Variants in LOXL1 observed in about 807,000 individuals in gnomAD.
LOXL1 encodes the protein lysyl oxidase like 1.
A neutral mutation model predicts 62.2 loss-of-function variants in LOXL1; 31 were observed. The observed-to-expected ratio is 0.50, with a 90% confidence interval of 0.37 to 0.67. The LOEUF (loss-of-function observed/expected upper bound fraction) is 0.67. Among genes scored for constraint, LOXL1 ranks in the 30% least tolerant of loss-of-function variants. The pLI is 0.00. For missense variants in LOXL1, 775 were observed against 843.4 expected (o/e 0.92, Z 1.00); for synonymous variants, 403 against 384.4 (o/e 1.05, Z -0.56).
In LOXL1 at chr15:73,942,743, A is replaced by T. The variant is rs1159998902; in HGVS notation, c.1103-111A>T. 1.1e-5 allele frequency: 8 copies of T among 735,864 alleles called. No individual in the cohort carries two copies. The East Asian group carries it at 2.0e-4, about 19-fold the overall frequency. The allele number at this position is 735,864 out of a possible 1,614,324, so 45.6% of individuals were successfully genotyped here. A position where few individuals can be genotyped will look rare whatever the true frequency, so the allele number is the denominator to read the frequency against. On this transcript the variant is annotated intron_variant, in intron 1 of 6. Coordinates refer to ENST00000261921, the MANE Select transcript of LOXL1 (RefSeq NM_005576.4). The stretch of plus-strand genomic sequence containing the variant: ...GAATGGCAAAGGGTTTTGGGGTATG[A>T]GAGGATGTTTGGGGTGTGAGGAGGT...
At chr15:73,950,927 A>T (rs2068780425) in intron 6 of LOXL1, among the ~76,000 whole-genome samples, 1 of 152,250 alleles carries the variant, frequency 6.6e-6, no homozygotes, top group Non-Finnish European at 1.5e-5. Flanking sequence ...AGAATTCCCC[A>T]GGGCACACAG....
chr15:73,947,733 A>G (rs2068758017), intron 4 of LOXL1, 74 bp from the exon 5 acceptor site: 29 of 1,055,014 alleles, frequency 2.7e-5, no homozygotes, highest in Non-Finnish European at 4.0e-5. Context: ...TGGGCCAGAA[A>G]CTCCTGAAGG....
At chr15:73,951,696 T>C in intron 6 of LOXL1, 135 bp from the exon 7 acceptor site, 2 of 726,970 alleles carry the variant, frequency 2.8e-6, no homozygotes, top group Non-Finnish European at 4.1e-6. Context: ...GGTCGGAACT[T>C]TCTCTTGAGG....
intron 1 of LOXL1, among the ~76,000 whole-genome samples, chr15:73,937,912 A>C (rs1239777768): frequency 6.6e-6 from 1 of 152,196 alleles, no homozygotes; most frequent in Non-Finnish European, 1.5e-5. Context: ...GCGTACCTTC[A>C]TCAGGCCCAG....
At chr15:73,936,670 C>T (rs539379801) in intron 1 of LOXL1, among the ~76,000 whole-genome samples, 8 of 152,142 alleles carry the variant, frequency 5.3e-5, no homozygotes, top group Non-Finnish European at 8.8e-5. Context: ...ACTGAACCCA[C>T]AAAAAAGAGG....
At chr15:73,938,293 A>ATCTATCTC (rs935567503) in intron 1 of LOXL1, among the ~76,000 whole-genome samples, 26 of 150,696 alleles carry the variant, frequency 1.7e-4, no homozygotes, top group Admixed American at 1.1e-3. Context: ...CTATCTATCT[A>ATCTATCTC]TCTATCTATC....
intron 1 of LOXL1, among the ~76,000 whole-genome samples, chr15:73,929,406 G>C (rs565485536): frequency 6.6e-6 from 1 of 152,330 alleles, no homozygotes; most frequent in South Asian, 2.1e-4. Context: ...ATGATGCTTT[G>C]TCTCCAGCCA....
chr15:73,928,258 A>G (rs8023330), intron 1 of LOXL1: 77,304 of 204,576 alleles, frequency 0.38, 16,595 homozygotes, highest in Middle Eastern at 0.5. Context: ...CAATGAGGGC[A>G]TCTCCTTCCC....
intron 1 of LOXL1, among the ~76,000 whole-genome samples, chr15:73,939,219 G>C (rs962385845): frequency 1.3e-5 from 2 of 152,222 alleles, no homozygotes; most frequent in African/African-American, 4.8e-5. Context: ...GGCTGCTGAC[G>C]AAATGTCCCC....
At position 73,946,512 on chromosome 15, in the gene LOXL1, C is replaced by T; in HGVS notation, c.1307C>T (p.Pro436Leu). ...AACCAGGGCACAGCAGACTTCCTCC[C>T]CAACCGGCCACGGCACACCTGGGAG... ...VKNQGTADFL[P>L]NRPRHTWEWH... Residue 436 changes from proline (P) to leucine (L), a missense_variant, in exon 3 of 7, where the codon CCC becomes CTC. Pro to Leu is a moderately conservative substitution (Grantham distance 98). Transcript: ENST00000261921. 1 of 1,610,702 alleles carries T rather than the reference C, an allele frequency of 6.2e-7. No homozygotes were observed. The highest frequency in any genetic ancestry group is 8.5e-7 in the Non-Finnish European group (1 of 1,178,696).
In LOXL1 at chr15:73,949,656, T is replaced by C. The variant is rs2141638895; in HGVS notation, c.1718+82T>C. ...GCAAGGCCACCTGAGATACCTAAGA[T>C]ACCTGCACTTTAGGTCACCTTGATG... On this transcript the variant is annotated intron_variant, in intron 6 of 6. Transcript: ENST00000261921. 18 of 907,150 alleles carry C rather than the reference T, an allele frequency of 2.0e-5. 1 individual carries two copies. The South Asian group carries it at 2.4e-4, about 12-fold the overall frequency. The allele number at this position is 907,150 out of a possible 1,614,324, so 56.2% of individuals were successfully genotyped here.
At chr15:73,940,518 C>G (rs1206241969) in intron 1 of LOXL1, among the ~76,000 whole-genome samples, 1 of 151,638 alleles carries the variant, frequency 6.6e-6, no homozygotes, top group African/African-American at 2.4e-5. Context: ...AGAAATGAGA[C>G]TGAGATTCAG....
intron 1 of LOXL1, among the ~76,000 whole-genome samples, chr15:73,928,887 C>A (rs572438709): frequency 1.3e-5 from 2 of 151,530 alleles, no homozygotes; most frequent in East Asian, 3.9e-4. Context: ...AAAAAAAACA[C>A]CTCACTGGCC....
chr15:73,947,905 G>A lies in LOXL1; in HGVS notation c.1602+3G>A, dbSNP rs763946869. 3.7e-6 allele frequency: 6 copies of A among 1,610,124 alleles called. No homozygotes were observed. The highest frequency in any genetic ancestry group is 5.1e-6 in the Non-Finnish European group (6 of 1,177,400). On this transcript the variant is annotated splice_donor_region_variant and intron_variant, in intron 5 of 6. Coordinates refer to ENST00000261921, the MANE Select transcript of LOXL1 (RefSeq NM_005576.4). ...AGCCTGGGAACTACATCCTCAAGGT[G>A]GGCCTCTGGGTCTGGGGCTTTCCCT... is the stretch of plus-strand genomic sequence containing the variant.
chr15:73,944,739 C>T (rs2068736456), intron 2 of LOXL1, among the ~76,000 whole-genome samples: 1 of 152,196 alleles, frequency 6.6e-6, no homozygotes. Flanking sequence ...CTTATGGTTT[C>T]CCACGGTGTG....
chr15:73,944,030 G>T (rs190348273), intron 2 of LOXL1, among the ~76,000 whole-genome samples: 16 of 152,352 alleles, frequency 1.1e-4, no homozygotes, highest in Non-Finnish European at 2.2e-4. Context: ...AGAGTGATTA[G>T]GAATGTTGTC....
intron 2 of LOXL1, 149 bp from the exon 3 acceptor site, chr15:73,946,268 C>T (rs35439299): frequency 1.1e-5 from 7 of 617,450 alleles, no homozygotes; most frequent in Non-Finnish European, 2.0e-5. Context: ...CGCCACAGTT[C>T]GAGGAGACAG....
intron 1 of LOXL1, among the ~76,000 whole-genome samples, chr15:73,941,578 C>T (rs2068713850): frequency 6.6e-6 from 1 of 152,212 alleles, no homozygotes; most frequent in Non-Finnish European, 1.5e-5. Context: ...CTGAATCCCT[C>T]AAGAGCAGAG....
chr15:73,938,288 T>TATC, intron 1 of LOXL1, among the ~76,000 whole-genome samples: 1 of 150,646 alleles, frequency 6.6e-6, no homozygotes, highest in South Asian at 2.1e-4. Context: ...TCTATCTATC[T>TATC]ATCTATCTAT....
Sources: allele counts gnomAD v4.1 joint callset (sites outside exome capture counted in the v4.1 genomes callset), GRCh38; gene constraint gnomAD v4.1.1; transcripts MANE v1.5; gene names NCBI Gene and HGNC (gene_info 2026-07-23, HGNC 2026-07-21).